CTNNA2: variants seen among roughly 807,000 people sequenced by gnomAD.
CTNNA2 encodes catenin alpha 2, also known as catenin alpha-2.
CTNNA2 carries 42 observed loss-of-function variants against 101.0 expected under a neutral mutation model. That is an observed-to-expected ratio of 0.42 (90% CI 0.32 to 0.54). The LOEUF (loss-of-function observed/expected upper bound fraction) is 0.54, where lower values mean the gene tolerates loss of function less well. Among genes scored for constraint, CTNNA2 ranks in the 20% least tolerant of loss-of-function variants. The probability of loss-of-function intolerance (pLI) is 0.14; values close to 1 mark genes in which losing one functional copy is unlikely to be tolerated. For synonymous variants in CTNNA2, 450 were observed against 456.4 expected (o/e 0.99, Z 0.18); for missense variants, 871 against 1,223.1 (o/e 0.71, Z 4.29).
chr2:79,423,965 A>T (rs896545065), intron 4 of CTNNA2, among the ~76,000 whole-genome samples: 1 of 152,118 alleles, frequency 6.6e-6, no homozygotes, highest in East Asian at 1.9e-4. Flanking sequence ...CCCACAAAAA[A>T]TCAAGACAAA....
At chr2:79,627,545 T>C (rs1283065858) in intron 1 of CTNNA2, among the ~76,000 whole-genome samples, 1 of 152,234 alleles carries the variant, frequency 6.6e-6, no homozygotes, top group East Asian at 1.9e-4. Flanking sequence ...ATACCATAAC[T>C]GAAAATACAA....
chr2:80,100,438 T>G (rs1700472310), intron 7 of CTNNA2, among the ~76,000 whole-genome samples: 2 of 152,234 alleles, frequency 1.3e-5, no homozygotes, highest in Admixed American at 1.3e-4. Context: ...GTCTCACTTT[T>G]TAAGGTTCTC....
chr2:80,051,226 C>T lies in CTNNA2; in HGVS notation c.1056+141429C>T, dbSNP rs138442778. Among the ~76,000 whole-genome samples, 503 of 152,244 alleles carry T rather than the reference C, an allele frequency of 3.3e-3. 9 individuals are homozygous for T. The East Asian group carries it at 0.042, about 13-fold the overall frequency. Reference sequence around the variant, plus strand: ...GTAATTATTCCTCTAGTCATGAGAACGTCTCTATTTTGAGGTTAAATGTGT... The same window carrying T: ...GTAATTATTCCTCTAGTCATGAGAATGTCTCTATTTTGAGGTTAAATGTGT... On this transcript the variant is annotated intron_variant, in intron 7 of 18. Coordinates refer to ENST00000402739, the MANE Select transcript of CTNNA2 (RefSeq NM_001282597.3).
rs994452318 is a variant in CTNNA2, at chr2:80,287,825, C to T, written c.1057-105386C>T. ...ACAAAGGGAAGAGCACAAGTGTCAT[C>T]TCATGATATGTGCTTAACTCACACC... On this transcript the variant is annotated intron_variant, in intron 7 of 18. Coordinates refer to ENST00000402739, the MANE Select transcript of CTNNA2 (RefSeq NM_001282597.3). Among the ~76,000 whole-genome samples the T allele has an allele frequency of 2.0e-5, 3 of 152,170 alleles. 1 individual carries two copies. The highest frequency in any genetic ancestry group is 4.4e-5 in the Non-Finnish European group (3 of 68,038).
At chr2:80,634,992 G>C (rs1573526499) in intron 18 of CTNNA2, among the ~76,000 whole-genome samples, 1 of 152,122 alleles carries the variant, frequency 6.6e-6, no homozygotes, top group African/African-American at 2.4e-5. Flanking sequence ...CAGTCTACAA[G>C]AAAAGGCTTA....
intron 7 of CTNNA2, among the ~76,000 whole-genome samples, chr2:80,211,990 G>T (rs1707923357): frequency 6.6e-6 from 1 of 152,158 alleles, no homozygotes; most frequent in Admixed American, 6.6e-5. Context: ...TTATGAATGG[G>T]AGTTCACTCA....
At chr2:79,499,109 T>G (rs1471903291) in intron 4 of CTNNA2, 1 of 152,172 alleles carries the variant, frequency 6.6e-6, no homozygotes, top group African/African-American at 2.4e-5. Context: ...TATAAATTAC[T>G]TTTCTATAAC....
rs1365513914 is a variant in CTNNA2 at position 80,329,124 on chromosome 2, A to G, written c.1057-64087A>G. On this transcript the variant is annotated intron_variant, in intron 7 of 18. Coordinates refer to ENST00000402739, the MANE Select transcript of CTNNA2 (RefSeq NM_001282597.3). ...AAATATTTGCAGAAAGTTCCCGAGA[A>G]TCACACAAACTCTGTTTGCCCCTGT... is the stretch of plus-strand genomic sequence containing the variant. 8.5e-5 allele frequency among the ~76,000 whole-genome samples: 13 copies of G among 152,304 alleles called. 1 individual carries two copies. The East Asian group carries it at 2.5e-3, about 29-fold the overall frequency.
chr2:79,436,825 G>T (rs1041798007), intron 4 of CTNNA2, among the ~76,000 whole-genome samples: 3 of 152,108 alleles, frequency 2.0e-5, no homozygotes, highest in Admixed American at 2.0e-4. Context: ...TAGAGATGGG[G>T]TGTCACCGTT....
intron 9 of CTNNA2, among the ~76,000 whole-genome samples, chr2:80,541,508 A>C (rs142481105): frequency 6.6e-6 from 1 of 152,320 alleles, no homozygotes; most frequent in East Asian, 1.9e-4. Context: ...AATTTAAACA[A>C]AAGATGAGAA....
chr2:80,519,948 C>T (rs1377760209), intron 9 of CTNNA2, among the ~76,000 whole-genome samples: 1 of 152,156 alleles, frequency 6.6e-6, no homozygotes, highest in Non-Finnish European at 1.5e-5. Flanking sequence ...TCACGCCTGT[C>T]ACACCTTCAC....
At chr2:79,233,445 T>C (rs1437478820) in intron 2 of CTNNA2, among the ~76,000 whole-genome samples, 1 of 152,228 alleles carries the variant, frequency 6.6e-6, no homozygotes, top group Non-Finnish European at 1.5e-5. Flanking sequence ...CTTTTTAAAA[T>C]GTATTGAGAC....
intron 9 of CTNNA2, among the ~76,000 whole-genome samples, chr2:80,518,001 C>T (rs927801869): frequency 6.6e-5 from 10 of 152,138 alleles, no homozygotes; most frequent in East Asian, 5.8e-4. Flanking sequence ...CTTCAGGTGA[C>T]GGGCAGTAAA....
intron 2 of CTNNA2, among the ~76,000 whole-genome samples, chr2:79,217,463 A>T (rs552777033): frequency 6.6e-6 from 1 of 152,094 alleles, no homozygotes; most frequent in East Asian, 1.9e-4. Flanking sequence ...TAGGTAAAGG[A>T]AAATTACAGT....
At chr2:80,181,925 A>G (rs1045192003) in intron 7 of CTNNA2, among the ~76,000 whole-genome samples, 5 of 152,184 alleles carry the variant, frequency 3.3e-5, no homozygotes, top group African/African-American at 1.2e-4. Context: ...GAAGCCCCCA[A>G]ATCAACTAAA....
chr2:80,486,904 T>C (rs1686630294), intron 9 of CTNNA2, among the ~76,000 whole-genome samples: 1 of 152,180 alleles, frequency 6.6e-6, no homozygotes, highest in Admixed American at 6.5e-5. Flanking sequence ...CCACATTGTG[T>C]GTAGTGCTTG....
intron 9 of CTNNA2, among the ~76,000 whole-genome samples, chr2:80,508,063 T>G (rs1342700735): frequency 6.6e-6 from 1 of 152,184 alleles, no homozygotes; most frequent in Non-Finnish European, 1.5e-5. Context: ...ATGGCCTCAG[T>G]TTTGCTTTCA....
chr2:79,888,316 G>A (rs1684045817), intron 6 of CTNNA2, among the ~76,000 whole-genome samples: 1 of 152,126 alleles, frequency 6.6e-6, no homozygotes, highest in Non-Finnish European at 1.5e-5. Context: ...GAGCTATACC[G>A]CTTCACTTTC....
chr2:80,210,528 A>G (rs1171101003), intron 7 of CTNNA2, among the ~76,000 whole-genome samples: 3 of 152,106 alleles, frequency 2.0e-5, no homozygotes, highest in South Asian at 2.1e-4. Flanking sequence ...CCATGTCCCT[A>G]CAAAGGACAT....
Sources: gnomAD v4.1 joint callset for allele counts (sites outside exome capture counted in the v4.1 genomes callset) on GRCh38, gnomAD v4.1.1 for gene constraint, MANE v1.5 for transcripts, NCBI Gene and HGNC (gene_info 2026-07-23, HGNC 2026-07-21) for gene names.